RPTOR: variants seen among roughly 807,000 people sequenced by gnomAD.
The protein encoded by RPTOR is regulatory associated protein of MTOR complex 1.
RPTOR carries 21 observed loss-of-function variants against 169.9 expected under a neutral mutation model. The observed-to-expected ratio is 0.12, with a 90% CI of 0.09 to 0.18. The LOEUF (loss-of-function observed/expected upper bound fraction) is 0.18. RPTOR is among the 10% of genes least tolerant of loss of function. RPTOR has a pLI of 1.00. For missense variants in RPTOR, 1,133 were observed against 1,855.9 expected, an observed-to-expected ratio of 0.61 and a Z score of 7.16; for synonymous variants, 732 against 753.2, an observed-to-expected ratio of 0.97 and a Z score of 0.46.
In RPTOR at chr17:80,885,153, G is replaced by A. The variant is rs956015692; in HGVS notation, c.1983+5G>A. The A allele has an allele frequency of 1.3e-6, 2 of 1,552,226 alleles. No individual in the cohort carries two copies. Among genetic ancestry groups the A allele is most frequent in the Non-Finnish European group, 1.7e-6 (2 of 1,147,750 alleles). On this transcript the variant is annotated splice_donor_5th_base_variant and intron_variant, in intron 17 of 33. Transcript: ENST00000306801. ...GGGAGCCCCATGGTCCGGAAGGTGC[G>A]TGAACCCCCAGCCCGGCAGCAGCAG...
chr17:80,629,813 C>T (rs936396948), intron 2 of RPTOR, among the ~76,000 whole-genome samples: 3 of 151,844 alleles, frequency 2.0e-5, no homozygotes, highest in African/African-American at 7.3e-5. Flanking sequence ...TTCTGGGACT[C>T]AGCTCTCTAT....
intron 4 of RPTOR, among the ~76,000 whole-genome samples, chr17:80,709,659 C>T (rs1197096954): frequency 1.3e-5 from 2 of 152,144 alleles, no homozygotes; most frequent in South Asian, 2.1e-4. Context: ...CTGTAAACCG[C>T]GTGAGTGTTT....
rs372957289 is a variant in RPTOR, at chr17:80,843,271, TC to T, written c.1213-3201del. 1.9e-4 allele frequency among the ~76,000 whole-genome samples: 29 copies of T among 152,316 alleles called. No individual in the cohort carries two copies. In the South Asian group the frequency reaches 5.8e-3, roughly 30 times the overall value. The stretch of plus-strand genomic sequence containing the variant: ...GTTTAAAATTTCACTTTCTGATTTT[TC>T]TCTACTAACAGTGACATAGAACCCT... On this transcript the variant is annotated intron_variant, in intron 10 of 33. Coordinates refer to ENST00000306801, the MANE Select transcript of RPTOR (RefSeq NM_020761.3).
intron 6 of RPTOR, among the ~76,000 whole-genome samples, chr17:80,776,011 G>A (rs2066888677): frequency 7.0e-6 from 1 of 142,176 alleles, no homozygotes; most frequent in African/African-American, 2.7e-5. Context: ...CTTGCAAGGA[G>A]TTTTTTCCTG....
rs867656000 is a variant in RPTOR, at chr17:80,593,196, A to G, written c.163-32495A>G. ...ACTTCAAGGAAAACAACTGATGGCA[A>G]TTGTTGCCAGTGATAAAAATTGAGC... On this transcript the variant is annotated intron_variant, in intron 1 of 33. Coordinates refer to ENST00000306801, the MANE Select transcript of RPTOR (RefSeq NM_020761.3). 18 of 153,462 alleles carry G rather than the reference A, an allele frequency of 1.2e-4. No homozygotes were observed. In the Middle Eastern group the frequency reaches 0.013, roughly 109 times the overall value. 9.5% of individuals were successfully genotyped at this position (153,462 alleles called of 1,614,324 possible).
At chr17:80,619,258 C>G (rs4889867) in intron 1 of RPTOR, among the ~76,000 whole-genome samples, 1 of 151,820 alleles carries the variant, frequency 6.6e-6, no homozygotes, top group Non-Finnish European at 1.5e-5. Flanking sequence ...GCCACACTCT[C>G]AGTGTGGGGG....
At chr17:80,750,340 A>G (rs2066618739) in intron 5 of RPTOR, among the ~76,000 whole-genome samples, 1 of 152,216 alleles carries the variant, frequency 6.6e-6, no homozygotes, top group African/African-American at 2.4e-5. Context: ...GGCCAGTGGT[A>G]GTGGTGCTGA....
chr17:80,892,185 T>A (rs2068333669), intron 18 of RPTOR, among the ~76,000 whole-genome samples: 1 of 152,202 alleles, frequency 6.6e-6, no homozygotes. Context: ...CTTGGCTCCG[T>A]GGCTCGGTGA....
At chr17:80,956,575 G>A (rs2069252188) in intron 28 of RPTOR, among the ~76,000 whole-genome samples, 2 of 152,256 alleles carry the variant, frequency 1.3e-5, no homozygotes, top group South Asian at 4.1e-4. Flanking sequence ...GGGCCAAAAG[G>A]AGGACCCTCA....
intron 11 of RPTOR, among the ~76,000 whole-genome samples, chr17:80,849,064 A>T (rs1489786402): frequency 6.6e-6 from 1 of 152,196 alleles, no homozygotes; most frequent in Non-Finnish European, 1.5e-5. Flanking sequence ...GTAGGGAAAG[A>T]TGAAGTGTAA....
At position 80,960,799 on chromosome 17, in the gene RPTOR, G is replaced by A. The variant is rs750837929; in HGVS notation, c.3605+594G>A. 7 of 158,374 alleles carry A rather than the reference G, an allele frequency of 4.4e-5. No homozygotes were observed. The highest frequency in any genetic ancestry group is 1.7e-4 in the South Asian group (1 of 5,786). 9.8% of individuals were successfully genotyped at this position (158,374 alleles called of 1,614,324 possible). ...ATGTCTGGCAGGGGACAGGGCACAC[G>A]CGTGGGCACAGCAGCCCCGGGCACT... On this transcript the variant is annotated intron_variant, in intron 30 of 33. Coordinates refer to ENST00000306801, the MANE Select transcript of RPTOR (RefSeq NM_020761.3). This position sits in a 1 kb window ranked among gnomAD's most constrained non-coding sequence, Gnocchi z 4.8.
intron 7 of RPTOR, 102 bp downstream of exon 7, chr17:80,791,611 A>C: frequency 1.0e-6 from 1 of 990,580 alleles, no homozygotes; most frequent in South Asian, 1.6e-5. Flanking sequence ...TCAACATGGC[A>C]TGTTCCCTTT....
At chr17:80,890,400 A>G (rs1598381515) in intron 17 of RPTOR, among the ~76,000 whole-genome samples, 1 of 152,210 alleles carries the variant, frequency 6.6e-6, no homozygotes, top group East Asian at 1.9e-4. Context: ...TGCACAGGGA[A>G]GGCAGCGGGG....
chr17:80,693,495 G>C (rs571501101), intron 3 of RPTOR, among the ~76,000 whole-genome samples: 1 of 152,230 alleles, frequency 6.6e-6, no homozygotes, highest in African/African-American at 2.4e-5. Context: ...TGCAAATTAA[G>C]GAAGGAAGGA....
chr17:80,572,069 A>G (rs896145014), intron 1 of RPTOR, among the ~76,000 whole-genome samples: 4 of 152,196 alleles, frequency 2.6e-5, no homozygotes, highest in African/African-American at 4.8e-5. Flanking sequence ...TTACTTATCC[A>G]TTCTACTGCT....
intron 1 of RPTOR, among the ~76,000 whole-genome samples, chr17:80,572,507 A>G (rs2064917921): frequency 6.6e-6 from 1 of 152,038 alleles, no homozygotes; most frequent in African/African-American, 2.4e-5. Context: ...TTGAATATGT[A>G]TTATAAATAC....
chr17:80,617,299 C>T (rs1324439752), intron 1 of RPTOR, among the ~76,000 whole-genome samples: 4 of 152,188 alleles, frequency 2.6e-5, no homozygotes, highest in Non-Finnish European at 5.9e-5. Context: ...TGAGCATGTC[C>T]TGTGCCATTT....
intron 3 of RPTOR, among the ~76,000 whole-genome samples, chr17:80,676,828 G>T (rs1198430266): frequency 6.6e-6 from 1 of 152,176 alleles, no homozygotes; most frequent in Non-Finnish European, 1.5e-5. Flanking sequence ...GAGGTGCAGG[G>T]CTCATCGCTA....
At chr17:80,602,898 T>A in intron 1 of RPTOR, 1 of 471,366 alleles carries the variant, frequency 2.1e-6, no homozygotes, top group African/African-American at 2.0e-5. Flanking sequence ...GCCGTTTTTC[T>A]TCTCGCCATC....
Sources: allele counts gnomAD v4.1 joint callset (sites outside exome capture counted in the v4.1 genomes callset), GRCh38; gene constraint gnomAD v4.1.1; non-coding constraint Gnocchi (gnomAD v3.1); transcripts MANE v1.5; gene names NCBI Gene and HGNC (gene_info 2026-07-23, HGNC 2026-07-21).